NF2: variants seen among roughly 807,000 people sequenced by gnomAD.
NF2 encodes the protein merlin.
A neutral mutation model predicts 83.7 loss-of-function variants in NF2; 8 were observed. That is an observed-to-expected ratio of 0.10 (90% CI 0.06 to 0.17). The LOEUF (loss-of-function observed/expected upper bound fraction) is 0.17, where lower values mean the gene tolerates loss of function less well. Among genes scored for constraint, NF2 ranks in the 10% least tolerant of loss-of-function variants. NF2 has a pLI of 1.00. For synonymous variants in NF2, 266 were observed against 269.6 expected (o/e 0.99, Z 0.13); for missense variants, 533 against 744.4 (o/e 0.72, Z 3.31).
At chr22:29,691,331 G>A (rs1014644453) in intron 15 of NF2, among the ~76,000 whole-genome samples, 8 of 152,204 alleles carry the variant, frequency 5.3e-5, no homozygotes, top group Non-Finnish European at 1.0e-4. Context: ...TCAACTCACA[G>A]TGCAACATAG....
At chr22:29,637,647 C>T (rs1172653890) in intron 2 of NF2, among the ~76,000 whole-genome samples, 1 of 151,910 alleles carries the variant, frequency 6.6e-6, no homozygotes, top group Admixed American at 6.6e-5. Flanking sequence ...ATGATGCCCC[C>T]TCCAGTTGCC....
intron 1 of NF2, among the ~76,000 whole-genome samples, chr22:29,619,168 C>T (rs1280366711): frequency 6.6e-6 from 1 of 152,052 alleles, no homozygotes; most frequent in Non-Finnish European, 1.5e-5. Flanking sequence ...CCTCAGCCTC[C>T]CGAATAGCTG....
rs574468262 is a variant in NF2 at position 29,644,096 on chromosome 22, C to T, written c.447+1811C>T. ...CTCACTTCCCAGACGGGGTGGCTGCCGGGCGGAGGGGCTCCTCACTTCTCA... is the reference window on the plus strand; with the variant it reads ...CTCACTTCCCAGACGGGGTGGCTGCTGGGCGGAGGGGCTCCTCACTTCTCA... On this transcript the variant is annotated intron_variant, in intron 4 of 15. Transcript: ENST00000338641. 2.1e-4 allele frequency among the ~76,000 whole-genome samples: 32 copies of T among 151,428 alleles called. No individual in the cohort carries two copies. In the South Asian group the frequency reaches 3.1e-3, roughly 15 times the overall value.
rs562497379 is a variant in NF2, at chr22:29,694,649, C to T, written c.1738-103C>T. The T allele has an allele frequency of 1.2e-5, 14 of 1,215,952 alleles. No individual in the cohort carries two copies. Among genetic ancestry groups the T allele is most frequent in the Admixed American group, 7.8e-5 (4 of 51,556 alleles). The allele number at this position is 1,215,952 out of a possible 1,614,324, so 75.3% of individuals were successfully genotyped here. ...CATCTATTTGAACAGCCTTCCCTTT[C>T]GCTCCCAGCCACCTTTGAGGTGAGT... is the stretch of plus-strand genomic sequence containing the variant. On this transcript the variant is annotated intron_variant, in intron 15 of 15. Coordinates refer to ENST00000338641, the MANE Select transcript of NF2 (RefSeq NM_000268.4). This position sits in a 1 kb window ranked among gnomAD's most constrained non-coding sequence, Gnocchi z 4.1.
rs1319539877 is a variant in NF2 at position 29,658,350 on chromosome 22, C to T, written c.675+86C>T. 3.5e-6 allele frequency: 4 copies of T among 1,139,228 alleles called. No individual in the cohort carries two copies. The African/African-American group carries it at 6.1e-5, about 17-fold the overall frequency. 70.6% of individuals were successfully genotyped at this position (1,139,228 alleles called of 1,614,324 possible). On this transcript the variant is annotated intron_variant, in intron 7 of 15. Transcript: ENST00000338641. ...TGCTAAAATGGTTACTTCTTCATTC[C>T]AAGGCGATAGACTCTTTTATGGTTC...
In NF2 at chr22:29,673,491, G is replaced by C; in HGVS notation, c.1340+5G>C. 7 of 1,603,202 alleles carry C rather than the reference G, an allele frequency of 4.4e-6. No individual in the cohort carries two copies. Among genetic ancestry groups the C allele is most frequent in the Non-Finnish European group, 6.0e-6 (7 of 1,176,350 alleles). The stretch of plus-strand genomic sequence containing the variant: ...GGCTGAGGAGTCAGAGAGGAGGTGA[G>C]GGGGCACCGGGCACCAGACTGGCGA... On this transcript the variant is annotated splice_donor_5th_base_variant and intron_variant, in intron 12 of 15. Transcript: ENST00000338641.
intron 5 of NF2, among the ~76,000 whole-genome samples, chr22:29,655,087 G>T (rs1387010274): frequency 6.6e-6 from 1 of 152,096 alleles, no homozygotes; most frequent in African/African-American, 2.4e-5. Flanking sequence ...TGAGGTAGGG[G>T]TGGGCATTGT....
intron 4 of NF2, among the ~76,000 whole-genome samples, chr22:29,644,044 C>A (rs576697271): frequency 6.6e-6 from 1 of 151,158 alleles, no homozygotes; most frequent in African/African-American, 2.4e-5. Flanking sequence ...CCCTCCCGGA[C>A]GGGGTGGCTG....
At chr22:29,674,996 C>T in intron 13 of NF2, 55 bp downstream of exon 13, 1 of 1,444,418 alleles carries the variant, frequency 6.9e-7, no homozygotes, top group Non-Finnish European at 9.5e-7. Context: ...TGTTCTCTTT[C>T]CTCCCGGCCC....
At chr22:29,613,002 G>C (rs1457879311) in intron 1 of NF2, among the ~76,000 whole-genome samples, 1 of 152,220 alleles carries the variant, frequency 6.6e-6, no homozygotes, top group East Asian at 1.9e-4. Flanking sequence ...GGCTGAGGCA[G>C]GGAATCGCTT....
Position 29,698,324 on chromosome 22 carries a change from C to CT in NF2, c.*3523dup, listed in dbSNP as rs749974930. On this transcript the variant is annotated 3_prime_UTR_variant, in exon 16 of 16. Transcript: ENST00000338641. ...AGAGACTGACAACCAGCTGCAGTGT[C>CT]TAAGTGTTCCTCACTGACAGGGTGG... The CT allele has an allele frequency of 4.5e-4, 101 of 222,918 alleles. 1 individual carries two copies. Among genetic ancestry groups the CT allele is most frequent in the Non-Finnish European group, 4.7e-4 (52 of 111,612 alleles). 13.8% of individuals were successfully genotyped at this position (222,918 alleles called of 1,614,324 possible). A position where few individuals can be genotyped will look rare whatever the true frequency, so the allele number is the denominator to read the frequency against.
intron 1 of NF2, among the ~76,000 whole-genome samples, chr22:29,610,002 A>C (rs1464656504): frequency 6.6e-6 from 1 of 151,394 alleles, no homozygotes; most frequent in Admixed American, 6.7e-5. Context: ...TTTGGGTAGG[A>C]TAGTATACCC....
chr22:29,697,215 T>G lies in NF2; in HGVS notation c.*2413T>G. On this transcript the variant is annotated 3_prime_UTR_variant, in exon 16 of 16. Transcript: ENST00000338641. ...TTAACAATGGCTGCAGGTGGGAGCA[T>G]ATGGTGGTTTATAAAAACGCTGTCG... 1 of 201,972 alleles carries G rather than the reference T, an allele frequency of 5.0e-6. No individual in the cohort carries two copies. Among genetic ancestry groups the G allele is most frequent in the Non-Finnish European group, 1.0e-5 (1 of 97,852 alleles). 12.5% of individuals were successfully genotyped at this position (201,972 alleles called of 1,614,324 possible).
At chr22:29,624,630 AG>A (rs1173361198) in intron 1 of NF2, among the ~76,000 whole-genome samples, 2 of 152,204 alleles carry the variant, frequency 1.3e-5, no homozygotes, top group African/African-American at 4.8e-5. Flanking sequence ...GTGTGGGAAC[AG>A]GAAGTGTCTC....
chr22:29,646,177 G>C lies in NF2; in HGVS notation c.447+3892G>C, dbSNP rs368700792. Among the ~76,000 whole-genome samples the C allele has an allele frequency of 2.0e-5, 3 of 152,352 alleles. No homozygotes were observed. The South Asian group carries it at 6.2e-4, about 32-fold the overall frequency. ...TTGAGAGTATTATGCCTGTTTTGCAGATGAGGAATTTAAGGCTCAGAAAGG... is the reference window on the plus strand; with the variant it reads ...TTGAGAGTATTATGCCTGTTTTGCACATGAGGAATTTAAGGCTCAGAAAGG... On this transcript the variant is annotated intron_variant, in intron 4 of 15. Transcript: ENST00000338641.
chr22:29,678,174 A>G (rs780234315), intron 13 of NF2, 22 bp from the exon 14 acceptor site: 1 of 1,613,510 alleles, frequency 6.2e-7, no homozygotes, highest in Non-Finnish European at 8.5e-7. Flanking sequence ...CAAGCTCCTA[A>G]TCCGAAATTT....
At chr22:29,639,496 A>AGCTAACTT (rs2065741946) in intron 3 of NF2, among the ~76,000 whole-genome samples, 1 of 152,212 alleles carries the variant, frequency 6.6e-6, no homozygotes, top group African/African-American at 2.4e-5. Flanking sequence ...ATTTTCTTCT[A>AGCTAACTT]GCTAACTTAA....
chr22:29,663,477 C>T (rs770436559), intron 8 of NF2, among the ~76,000 whole-genome samples: 3 of 152,216 alleles, frequency 2.0e-5, no homozygotes, highest in Non-Finnish European at 4.4e-5. Flanking sequence ...GCTGTCAAAA[C>T]AGAAATGTTA....
At chr22:29,667,723 C>T (rs902143403) in intron 9 of NF2, among the ~76,000 whole-genome samples, 6 of 151,988 alleles carry the variant, frequency 3.9e-5, no homozygotes, top group African/African-American at 9.7e-5. Context: ...GTTTGTTGCT[C>T]TTTTTCTTTT....
Sources: gnomAD v4.1 joint callset for allele counts (sites outside exome capture counted in the v4.1 genomes callset) on GRCh38, gnomAD v4.1.1 for gene constraint, Gnocchi (gnomAD v3.1) non-coding constraint, MANE v1.5 for transcripts, NCBI Gene and HGNC (gene_info 2026-07-23, HGNC 2026-07-21) for gene names.